ADAM12: variants seen among roughly 807,000 people sequenced by gnomAD.
ADAM12 encodes ADAM metallopeptidase domain 12.
ADAM12 carries 70 observed loss-of-function variants against 106.4 expected under a neutral mutation model. That is an observed-to-expected ratio of 0.66 (90% confidence interval 0.54 to 0.80). ADAM12 has a LOEUF of 0.80. Among genes scored for constraint, ADAM12 ranks in the 30% least tolerant of loss-of-function variants. The pLI, the probability that ADAM12 is intolerant of heterozygous loss-of-function variation, is 0.00. For missense variants in ADAM12, 1,010 were observed against 1,171.9 expected, an observed-to-expected ratio of 0.86 and a Z score of 2.02; for synonymous variants, 420 against 433.5, an observed-to-expected ratio of 0.97 and a Z score of 0.39.
chr10:126,025,491 AAAG>A (rs1209589486), intron 21 of ADAM12, among the ~76,000 whole-genome samples: 1 of 152,226 alleles, frequency 6.6e-6, no homozygotes, highest in Non-Finnish European at 1.5e-5. Context: ...AATAGAGAAA[AAAG>A]AATGAAAAGG....
chr10:126,342,845 C>A (rs1024210415), intron 1 of ADAM12, among the ~76,000 whole-genome samples: 3 of 151,260 alleles, frequency 2.0e-5, no homozygotes, highest in African/African-American at 7.3e-5. Context: ...TTTCTCCTTT[C>A]GGCGTCTGAT....
intron 1 of ADAM12, among the ~76,000 whole-genome samples, chr10:126,375,745 T>C (rs538086623): frequency 3.9e-4 from 59 of 151,018 alleles, no homozygotes; most frequent in African/African-American, 1.3e-3. Context: ...TCTTCTTCTT[T>C]TTTTTTTTTC....
At chr10:126,046,837 G>T (rs1317004249) in intron 16 of ADAM12, among the ~76,000 whole-genome samples, 2 of 151,210 alleles carry the variant, frequency 1.3e-5, no homozygotes, top group African/African-American at 4.9e-5. Flanking sequence ...AGATATAGGG[G>T]AGGGCGAGAC....
At chr10:126,079,558 C>T (rs1346849189) in intron 11 of ADAM12, among the ~76,000 whole-genome samples, 1 of 152,164 alleles carries the variant, frequency 6.6e-6, no homozygotes, top group Non-Finnish European at 1.5e-5. Flanking sequence ...GACCATACCA[C>T]AATTTGCTAT....
chr10:126,184,048 C>G (rs1590578706), intron 3 of ADAM12, among the ~76,000 whole-genome samples: 1 of 152,158 alleles, frequency 6.6e-6, no homozygotes, highest in East Asian at 1.9e-4. Context: ...AACGTCATAA[C>G]TCTGAGCCAA....
intron 3 of ADAM12, among the ~76,000 whole-genome samples, chr10:126,230,523 T>C (rs186685986): frequency 6.6e-6 from 1 of 152,330 alleles, no homozygotes; most frequent in Admixed American, 6.5e-5. Context: ...CCAAACTGTG[T>C]AAGAACCCAC....
At chr10:126,019,596 G>A (rs991218162) in intron 22 of ADAM12, 99 bp downstream of exon 22, 94 of 1,440,190 alleles carry the variant, frequency 6.5e-5, no homozygotes, top group South Asian at 2.5e-4. Context: ...CAGGAAGCAC[G>A]GCCTAGACCA....
intron 5 of ADAM12, among the ~76,000 whole-genome samples, chr10:126,123,470 C>G (rs1042611924): frequency 6.6e-6 from 1 of 152,158 alleles, no homozygotes; most frequent in Non-Finnish European, 1.5e-5. Context: ...TTCTCTAGAG[C>G]GACAGGAGGA....
At chr10:126,025,047 A>G (rs1164450865) in intron 21 of ADAM12, among the ~76,000 whole-genome samples, 1 of 152,146 alleles carries the variant, frequency 6.6e-6, no homozygotes, top group African/African-American at 2.4e-5. Flanking sequence ...TCCAAAGGTC[A>G]GCAACCTTAA....
chr10:126,247,257 A>G (rs906209517), intron 3 of ADAM12, among the ~76,000 whole-genome samples: 5 of 152,190 alleles, frequency 3.3e-5, no homozygotes, highest in African/African-American at 1.2e-4. Flanking sequence ...CTTTACTTAA[A>G]CATTGCTGCC....
intron 4 of ADAM12, among the ~76,000 whole-genome samples, chr10:126,142,135 C>G (rs898744658): frequency 5.3e-5 from 8 of 152,174 alleles, no homozygotes; most frequent in Admixed American, 4.6e-4. Context: ...GAGTTTCTCT[C>G]TCTTTTAGAA....
Position 126,197,114 on chromosome 10 carries a change from C to T in ADAM12, c.261-41809G>A, listed in dbSNP as rs141957452. The stretch of plus-strand genomic sequence containing the variant: ...ATCCAGACCTGAGATAAAGAAGACA[C>T]GGTCCCAGGTGGAGGCAGGGGTGGT... On this transcript the variant is annotated intron_variant, in intron 3 of 22. Coordinates refer to ENST00000448723, the MANE Select transcript of ADAM12 (RefSeq NM_001288973.2). Among the ~76,000 whole-genome samples the T allele has an allele frequency of 9.9e-5, 15 of 152,162 alleles. No individual in the cohort carries two copies. In the East Asian group the frequency reaches 1.2e-3, roughly 12 times the overall value.
chr10:126,155,572 A>G (rs1415093569), intron 3 of ADAM12, among the ~76,000 whole-genome samples: 11 of 151,956 alleles, frequency 7.2e-5, no homozygotes, highest in Admixed American at 7.2e-4. Context: ...CCTTCCTCCC[A>G]CCTCATTCCT....
intron 2 of ADAM12, among the ~76,000 whole-genome samples, chr10:126,287,623 C>T (rs1321095944): frequency 6.6e-6 from 1 of 151,988 alleles, no homozygotes; most frequent in Non-Finnish European, 1.5e-5. Context: ...ACTTGGATGT[C>T]ATCACTTGCT....
At chr10:126,208,205 C>T (rs1034124910) in intron 3 of ADAM12, among the ~76,000 whole-genome samples, 1 of 152,106 alleles carries the variant, frequency 6.6e-6, no homozygotes, top group African/African-American at 2.4e-5. Flanking sequence ...CTTAATGGAG[C>T]GTAGGGTGAT....
At chr10:126,301,895 C>T (rs534476470) in intron 2 of ADAM12, among the ~76,000 whole-genome samples, 1 of 152,304 alleles carries the variant, frequency 6.6e-6, no homozygotes, top group East Asian at 1.9e-4. Context: ...ATAATTTATA[C>T]TCTGAGCCTG....
intron 14 of ADAM12, among the ~76,000 whole-genome samples, chr10:126,054,701 T>C (rs1954589946): frequency 6.6e-6 from 1 of 152,148 alleles, no homozygotes; most frequent in African/African-American, 2.4e-5. Context: ...CGAGGTTCTG[T>C]CCCCTCATCT....
At chr10:126,146,250 C>T (rs146189164) in intron 4 of ADAM12, among the ~76,000 whole-genome samples, 2 of 152,240 alleles carry the variant, frequency 1.3e-5, no homozygotes, top group African/African-American at 4.8e-5. Context: ...TTGAGTGCCT[C>T]GGCCAGTGGG....
chr10:126,138,227 C>T (rs1029828683), intron 4 of ADAM12, among the ~76,000 whole-genome samples: 1 of 152,132 alleles, frequency 6.6e-6, no homozygotes, highest in Non-Finnish European at 1.5e-5. Flanking sequence ...CAAATCCTTG[C>T]TTATTTGTAA....
Sources: gnomAD v4.1 joint callset for allele counts (sites outside exome capture counted in the v4.1 genomes callset) on GRCh38, gnomAD v4.1.1 for gene constraint, MANE v1.5 for transcripts, NCBI Gene and HGNC (gene_info 2026-07-23, HGNC 2026-07-21) for gene names.